ZSWIM8: variants seen among roughly 807,000 people sequenced by gnomAD.
ZSWIM8 encodes zinc finger SWIM domain-containing protein 8.
In ZSWIM8, 27 loss-of-function variants were observed where a neutral mutation model predicts 173.7. The observed-to-expected ratio is 0.16, with a 90% CI of 0.11 to 0.21. The LOEUF (loss-of-function observed/expected upper bound fraction) is 0.21. Ranked by LOEUF, ZSWIM8 falls within the 10% of genes least tolerant of loss-of-function variation. The probability of loss-of-function intolerance (pLI) is 1.00; values close to 1 mark genes in which losing one functional copy is unlikely to be tolerated. For synonymous variants in ZSWIM8, 958 were observed against 962.0 expected (o/e 1.00, Z 0.08); for missense variants, 1,627 against 2,428.8 (o/e 0.67, Z 6.94).
At position 73,800,893 on chromosome 10, in the gene ZSWIM8, G is replaced by A; in HGVS notation, c.5123-124G>A. 8.2e-7 allele frequency: 1 copy of A among 1,222,876 alleles called. No homozygotes were observed. Among genetic ancestry groups the A allele is most frequent in the Non-Finnish European group, 1.1e-6 (1 of 876,094 alleles). 75.8% of individuals were successfully genotyped at this position (1,222,876 alleles called of 1,614,324 possible). A position where few individuals can be genotyped will look rare whatever the true frequency, so the allele number is the denominator to read the frequency against. ...GGTATGTGTGCGTGCGCGGGGGGCGGAGGGTTACCTCAGCTCCTGGGGTGG... is the reference window on the plus strand; with the variant it reads ...GGTATGTGTGCGTGCGCGGGGGGCGAAGGGTTACCTCAGCTCCTGGGGTGG... On this transcript the variant is annotated intron_variant, in intron 24 of 25. Coordinates refer to ENST00000604729, the MANE Select transcript of ZSWIM8 (RefSeq NM_001367799.1). This position sits in a 1 kb window ranked among gnomAD's most constrained non-coding sequence, Gnocchi z 4.1.
Position 73,789,735 on chromosome 10 carries a change from C to T in ZSWIM8, c.649C>T (p.Arg217Ter). ...RIHNASAVCL[R>*]APVSESLSRL... ...CCTTCAGGCTTCTGCAGTCTGCCTG[C>T]GAGCCCCAGTCTCAGAGTCCCTGTC... is the stretch of plus-strand genomic sequence containing the variant. Residue 217 changes from arginine to a stop codon, truncating the protein, a stop_gained, in exon 5 of 26, where the codon CGA becomes TGA. Transcript: ENST00000604729. LOFTEE classifies it high-confidence loss of function. The surrounding 1 kb of genome is among the most constrained non-coding windows in gnomAD (Gnocchi z 6.8). 6.2e-7 allele frequency: 1 copy of T among 1,605,646 alleles called. No homozygotes were observed. The highest frequency in any genetic ancestry group is 8.5e-7 in the Non-Finnish European group (1 of 1,176,156).
Position 73,791,904 on chromosome 10 carries a change from G to A in ZSWIM8, c.1365G>A (p.Val455=). The A allele has an allele frequency of 6.5e-7, 1 of 1,547,898 alleles. No individual in the cohort carries two copies. Among genetic ancestry groups the A allele is most frequent in the Non-Finnish European group, 8.7e-7 (1 of 1,143,964 alleles). Residue 455 remains valine (V), a synonymous_variant, in exon 10 of 26, where the codon GTG becomes GTA. Coordinates refer to ENST00000604729, the MANE Select transcript of ZSWIM8 (RefSeq NM_001367799.1). This position sits in a 1 kb window ranked among gnomAD's most constrained non-coding sequence, Gnocchi z 6.0. ...CTQLRQWQLK[V]IENVKRGQHK... ...AGCTGCGGCAGTGGCAACTGAAGGTGATTGAGAACGTCAAGCGGGGCCAAC... is the reference window on the plus strand; with the variant it reads ...AGCTGCGGCAGTGGCAACTGAAGGTAATTGAGAACGTCAAGCGGGGCCAAC...
Position 73,793,702 on chromosome 10 carries a change from G to C in ZSWIM8, c.2428G>C (p.Glu810Gln). 6.2e-7 allele frequency: 1 copy of C among 1,611,896 alleles called. No homozygotes were observed. The highest frequency in any genetic ancestry group is 8.5e-7 in the Non-Finnish European group (1 of 1,178,902). ...LLANPPDLKV[E>Q]PPPAKGKKNK... ...AGCCAACCCACCCGACCTCAAGGTA[G>C]AGCCGCCCCCTGCCAAGGTGAGAGA... The change falls in exon 11 of 26, where the codon GAG becomes CAG. Residue 810 changes from glutamate (E) to glutamine (Q), a missense_variant. By Grantham distance (29) the Glu-to-Gln change is conservative. Coordinates refer to ENST00000604729, the MANE Select transcript of ZSWIM8 (RefSeq NM_001367799.1).
intron 11 of ZSWIM8, 26 bp downstream of exon 11, chr10:73,793,745 C>G: frequency 6.8e-7 from 1 of 1,461,376 alleles, no homozygotes; most frequent in Non-Finnish European, 9.3e-7. Flanking sequence ...CCTCTACCTT[C>G]CCCTCCCCCA....
Position 73,801,257 on chromosome 10 carries a change from A to C in ZSWIM8, c.5302-59A>C. On this transcript the variant is annotated intron_variant, in intron 25 of 25. Transcript: ENST00000604729. The surrounding 1 kb of genome is among the most constrained non-coding windows in gnomAD (Gnocchi z 4.9). ...TCCTGGGTGGTCTTGGACCAGAGGG[A>C]GGCAGGGCCTGTTTCTGTGCTTTGT... 6.2e-7 allele frequency: 1 copy of C among 1,604,082 alleles called. No individual in the cohort carries two copies. The highest frequency in any genetic ancestry group is 8.5e-7 in the Non-Finnish European group (1 of 1,173,308).
In ZSWIM8 at chr10:73,793,610, C is replaced by T; in HGVS notation, c.2336C>T (p.Ala779Val). 6.2e-7 allele frequency: 1 copy of T among 1,605,550 alleles called. No homozygotes were observed. Residue 779 changes from alanine to valine, a missense_variant, in exon 11 of 26, where the codon GCC becomes GTC. Coordinates refer to ENST00000604729, the MANE Select transcript of ZSWIM8 (RefSeq NM_001367799.1). ...RMEVLFACAE[A>V]LHAHGYSSEA... is the part of the protein sequence containing the mutation. ...CAGGTACTGTTTGCCTGTGCTGAGG[C>T]CCTGCATGCGCATGGCTATAGCAGT...
At position 73,791,733 on chromosome 10, in the gene ZSWIM8, A is replaced by T; in HGVS notation, c.1320-126A>T. 1 of 1,341,098 alleles carries T rather than the reference A, an allele frequency of 7.5e-7. No individual in the cohort carries two copies. Among genetic ancestry groups the T allele is most frequent in the Non-Finnish European group, 9.9e-7 (1 of 1,009,778 alleles). The allele number at this position is 1,341,098 out of a possible 1,614,324, so 83.1% of individuals were successfully genotyped here. A position where few individuals can be genotyped will look rare whatever the true frequency, so the allele number is the denominator to read the frequency against. ...ATTCTCCAGTGTTTCAGTGATGCTT[A>T]TGGGGCTGGGTCAAGAAGTACTTTC... On this transcript the variant is annotated intron_variant, in intron 9 of 25. Transcript: ENST00000604729. This position sits in a 1 kb window ranked among gnomAD's most constrained non-coding sequence, Gnocchi z 6.0.
intron 1 of ZSWIM8, 110 bp downstream of exon 1, chr10:73,786,196 A>G (rs1368452713): frequency 2.3e-5 from 28 of 1,231,184 alleles, no homozygotes; most frequent in Non-Finnish European, 2.9e-5. Context: ...CAACCAGGGG[A>G]AGAAAGGGGA....
rs1344909783 is a variant in ZSWIM8, at chr10:73,800,845, G to A, written c.5122+86G>A. On this transcript the variant is annotated intron_variant, in intron 24 of 25. Transcript: ENST00000604729. The surrounding 1 kb of genome is among the most constrained non-coding windows in gnomAD (Gnocchi z 4.1). ...ATCCCAGACCTCCTTCCTAGCTCTT[G>A]CTCAGAGTTGAGGCCTTGGTCGGGT... 8.2e-7 allele frequency: 1 copy of A among 1,212,206 alleles called. No homozygotes were observed. Among genetic ancestry groups the A allele is most frequent in the Admixed American group, 2.3e-5 (1 of 42,618 alleles). 75.1% of individuals were successfully genotyped at this position (1,212,206 alleles called of 1,614,324 possible). A position where few individuals can be genotyped will look rare whatever the true frequency, so the allele number is the denominator to read the frequency against.
chr10:73,793,759 AC>A (rs753442620), intron 11 of ZSWIM8, 40 bp downstream of exon 11: 4 of 1,228,220 alleles, frequency 3.3e-6, no homozygotes, highest in East Asian at 3.7e-5. Flanking sequence ...TCCCCCACTT[AC>A]CCCCAACCTG....
In ZSWIM8 at chr10:73,801,659, T is replaced by C; in HGVS notation, c.*140T>C. 6.5e-7 allele frequency: 1 copy of C among 1,535,556 alleles called. No homozygotes were observed. Among genetic ancestry groups the C allele is most frequent in the East Asian group, 2.4e-5 (1 of 40,882 alleles). On this transcript the variant is annotated 3_prime_UTR_variant, in exon 26 of 26. Transcript: ENST00000604729. This position sits in a 1 kb window ranked among gnomAD's most constrained non-coding sequence, Gnocchi z 4.9. Reference sequence around the variant, plus strand: ...CACAGACTGACAGCTGCTCTTGGGCTATAGCTTGGGGCCAAGATGTCTCAC... The same window carrying C: ...CACAGACTGACAGCTGCTCTTGGGCCATAGCTTGGGGCCAAGATGTCTCAC...
At chr10:73,786,282 G>A in intron 1 of ZSWIM8, 196 bp downstream of exon 1, 2 of 595,926 alleles carry the variant, frequency 3.4e-6, no homozygotes, top group Non-Finnish European at 5.4e-6. Context: ...TCGCTTTTCC[G>A]GCCTTCCTGG....
At position 73,799,317 on chromosome 10, in the gene ZSWIM8, C is replaced by G; in HGVS notation, c.4492C>G (p.Pro1498Ala). The G allele has an allele frequency of 6.2e-7, 1 of 1,607,938 alleles. No homozygotes were observed. Among genetic ancestry groups the G allele is most frequent in the South Asian group, 1.1e-5 (1 of 89,930 alleles). The stretch of plus-strand genomic sequence containing the variant: ...CATATCGGTGGGGTCTAGTTTATAC[C>G]CGGGTCCAGGACTGGGGCATGGCCA... ...PVISVGSSLY[P>A]GPGLGHGHSP... The change falls in exon 21 of 26, where the codon CCG becomes GCG. Residue 1498 changes from proline to alanine, a missense_variant. Pro to Ala is a conservative substitution (Grantham distance 27). This residue lies in a region of ZSWIM8 where 275 missense variants were observed against 290.1 expected (regional missense o/e 0.95). Coordinates refer to ENST00000604729, the MANE Select transcript of ZSWIM8 (RefSeq NM_001367799.1).
rs1268528362 is a variant in ZSWIM8, at chr10:73,791,839, C to T, written c.1320-20C>T. On this transcript the variant is annotated intron_variant, in intron 9 of 25. Coordinates refer to ENST00000604729, the MANE Select transcript of ZSWIM8 (RefSeq NM_001367799.1). This position sits in a 1 kb window ranked among gnomAD's most constrained non-coding sequence, Gnocchi z 6.0. ...TTTCCCAGTAGCCCCTCAGCAGCCT[C>T]CTGCCCCTTGTTCCCACAGGCGCCG... 2.0e-6 allele frequency: 3 copies of T among 1,494,336 alleles called. No homozygotes were observed. The highest frequency in any genetic ancestry group is 1.4e-5 in the African/African-American group (1 of 71,896). 92.6% of individuals were successfully genotyped at this position (1,494,336 alleles called of 1,614,324 possible).
chr10:73,792,992 TCA>T lies in ZSWIM8; in HGVS notation c.2313+141_2313+142del. 9.7e-7 allele frequency: 1 copy of T among 1,028,576 alleles called. No individual in the cohort carries two copies. The highest frequency in any genetic ancestry group is 2.8e-5 in the Admixed American group (1 of 36,074). The allele number at this position is 1,028,576 out of a possible 1,614,324, so 63.7% of individuals were successfully genotyped here. ...AGGCGCCGAACTGGTCTCCCTGCTT[TCA>T]GTCTACTCACTTTTCTGCTTCCACG... On this transcript the variant is annotated intron_variant, in intron 10 of 25. Coordinates refer to ENST00000604729, the MANE Select transcript of ZSWIM8 (RefSeq NM_001367799.1). The surrounding 1 kb of genome is among the most constrained non-coding windows in gnomAD (Gnocchi z 4.3).
chr10:73,797,956 C>T lies in ZSWIM8; in HGVS notation c.3838C>T (p.Arg1280Cys), dbSNP rs2083745259. The change falls in exon 19 of 26, where the codon CGC (arginine) becomes TGC (cysteine). Residue 1280 changes from arginine to cysteine, a missense_variant. Arg to Cys is a radical substitution (Grantham distance 180). Around this residue, in one of 18 missense-constraint regions of ZSWIM8, gnomAD observed 95 missense variants for 271.3 expected, o/e 0.35. Coordinates refer to ENST00000604729, the MANE Select transcript of ZSWIM8 (RefSeq NM_001367799.1). The surrounding 1 kb of genome is among the most constrained non-coding windows in gnomAD (Gnocchi z 5.6). The stretch of plus-strand genomic sequence containing the variant: ...CTCAGGGGGCCACCAGGGTCCTCAC[C>T]GCAACCTGCACCTTTGCGCCTTCGA... ...SSSGGHQGPH[R>C]NLHLCAFEIG... is the part of the protein sequence containing the mutation. 3.7e-6 allele frequency: 6 copies of T among 1,614,008 alleles called. No individual in the cohort carries two copies. The highest frequency in any genetic ancestry group is 2.2e-5 in the South Asian group (2 of 91,082).
chr10:73,786,219 CGGGAGCTGTCCCCGACT>C (rs1296075714), intron 1 of ZSWIM8, 133 bp downstream of exon 1: 3 of 1,057,612 alleles, frequency 2.8e-6, no homozygotes, highest in East Asian at 5.7e-5. Context: ...TGTCCCCGGC[CGGGAGCTGTCCCCGACT>C]GGGAGCTGTC....
rs2132631035 is a variant in ZSWIM8, at chr10:73,786,043, T to C, written c.165T>C (p.Thr55=). The C allele has an allele frequency of 1.3e-6, 2 of 1,594,578 alleles. No individual in the cohort carries two copies. The highest frequency in any genetic ancestry group is 2.7e-5 in the African/African-American group (2 of 74,030). ...AGTCAGCGGGGCCCAATTCCCCCAC[T>C]GGCGGCGGTGGCGGAGGTGGCAGTG... ...RKQSAGPNSP[T]GGGGGGGSGG... Residue 55 remains threonine (T), a synonymous_variant, in exon 1 of 26, where the codon ACT becomes ACC. Coordinates refer to ENST00000604729, the MANE Select transcript of ZSWIM8 (RefSeq NM_001367799.1).
At position 73,794,039 on chromosome 10, in the gene ZSWIM8, T is replaced by G; in HGVS notation, c.2620T>G (p.Leu874Val). ...GAGGCCTCCAGCTTCTACCAAGGCC[T>G]TGGAGGTCAGAGGCTCCATCTCAGC... The part of the protein sequence containing the change: ...LQRPPASTKA[L>V]EVKLAYQESE... Residue 874 changes from leucine (L) to valine (V), a missense_variant, in exon 12 of 26, where the codon TTG (leucine) becomes GTG (valine). By Grantham distance (32) the Leu-to-Val change is conservative (BLOSUM62 1). Around this residue, in one of 18 missense-constraint regions of ZSWIM8, gnomAD observed 169 missense variants for 235.3 expected, o/e 0.72. Transcript: ENST00000604729. The G allele has an allele frequency of 2.5e-6, 4 of 1,612,864 alleles. No homozygotes were observed. The highest frequency in any genetic ancestry group is 3.4e-6 in the Non-Finnish European group (4 of 1,179,356).
Sources: allele counts gnomAD v4.1 joint callset, GRCh38; gene constraint gnomAD v4.1.1; regional missense constraint gnomAD v4.1.1; non-coding constraint Gnocchi (gnomAD v3.1); transcripts MANE v1.5; gene names NCBI Gene and HGNC (gene_info 2026-07-23, HGNC 2026-07-21).